CCDC148: variants seen among roughly 807,000 people sequenced by gnomAD.
CCDC148 encodes the protein coiled-coil domain containing 148, also known as coiled-coil domain-containing protein 148.
A neutral mutation model predicts 85.7 loss-of-function variants in CCDC148; 89 were observed. The ratio of observed to expected loss-of-function variants is 1.04; its 90% CI spans 0.87 to 1.24. The LOEUF is 1.24. Among genes scored for constraint, CCDC148 ranks in the 50% most tolerant of loss-of-function variants. The pLI is 0.00. For synonymous variants in CCDC148, 230 were observed against 213.9 expected, an observed-to-expected ratio of 1.08 and a Z score of -0.66; for missense variants, 692 against 671.7, an observed-to-expected ratio of 1.03 and a Z score of -0.33.
chr2:158,184,761 A>T (rs1574355707), intron 11 of CCDC148, among the ~76,000 whole-genome samples: 1 of 152,256 alleles, frequency 6.6e-6, no homozygotes, highest in East Asian at 1.9e-4. Flanking sequence ...GATGAGAACC[A>T]ATGCTACATA....
chr2:158,401,801 A>G (rs1365162505), intron 1 of CCDC148, among the ~76,000 whole-genome samples: 1 of 152,040 alleles, frequency 6.6e-6, no homozygotes, highest in East Asian at 1.9e-4. Flanking sequence ...GGAATAAGGG[A>G]GAGGGCAGGG....
intron 1 of CCDC148, among the ~76,000 whole-genome samples, chr2:158,446,086 A>G (rs1385792650): frequency 1.3e-5 from 2 of 152,192 alleles, no homozygotes; most frequent in South Asian, 2.1e-4. Flanking sequence ...TATGGCTTAC[A>G]TCTGTAATCC....
At chr2:158,293,800 T>C (rs534744493) in intron 9 of CCDC148, among the ~76,000 whole-genome samples, 7 of 152,214 alleles carry the variant, frequency 4.6e-5, no homozygotes, top group Non-Finnish European at 1.0e-4. Flanking sequence ...TCACCTTTAT[T>C]CATAGTAATA....
At chr2:158,329,130 G>A (rs928483722) in intron 7 of CCDC148, among the ~76,000 whole-genome samples, 2 of 152,164 alleles carry the variant, frequency 1.3e-5, no homozygotes, top group African/African-American at 4.8e-5. Flanking sequence ...TTTTCTTCTA[G>A]GGTTTTTATG....
At chr2:158,296,502 T>G (rs1026554150) in intron 9 of CCDC148, among the ~76,000 whole-genome samples, 1 of 152,202 alleles carries the variant, frequency 6.6e-6, no homozygotes, top group Admixed American at 6.5e-5. Context: ...AACTCCAAGT[T>G]GTAACTTCCC....
At chr2:158,278,058 T>A (rs1690045178) in intron 9 of CCDC148, among the ~76,000 whole-genome samples, 1 of 152,146 alleles carries the variant, frequency 6.6e-6, no homozygotes, top group Non-Finnish European at 1.5e-5. Context: ...TCTAACCAGA[T>A]CCACAAATAA....
intron 11 of CCDC148, among the ~76,000 whole-genome samples, chr2:158,207,797 C>T (rs1466549972): frequency 6.6e-6 from 1 of 152,112 alleles, no homozygotes; most frequent in Non-Finnish European, 1.5e-5. Context: ...TAGGAGTCAA[C>T]CTATTGAGTA....
intron 7 of CCDC148, among the ~76,000 whole-genome samples, chr2:158,330,722 C>T (rs1397268699): frequency 6.6e-6 from 1 of 152,104 alleles, no homozygotes; most frequent in Non-Finnish European, 1.5e-5. Flanking sequence ...TCAACTTCTT[C>T]CTGGTTTAGT....
At chr2:158,453,258 A>G (rs1559155384) in intron 1 of CCDC148, among the ~76,000 whole-genome samples, 1 of 152,214 alleles carries the variant, frequency 6.6e-6, no homozygotes, top group Non-Finnish European at 1.5e-5. Flanking sequence ...AAGGGTCACA[A>G]TACAGTAAGG....
At chr2:158,433,092 A>AAAAAAAAAAAATATATATATATC (rs1559141535) in intron 1 of CCDC148, among the ~76,000 whole-genome samples, 1 of 67,312 alleles carries the variant, frequency 1.5e-5, no homozygotes, top group African/African-American at 5.1e-5. Flanking sequence ...AAAAAAAAAA[A>AAAAAAAAAAAATATATATATATC]TATATATATA....
chr2:158,212,925 G>A (rs974142591), intron 11 of CCDC148, among the ~76,000 whole-genome samples: 7 of 152,220 alleles, frequency 4.6e-5, no homozygotes. Context: ...ATGGTCTCAA[G>A]AACCCAGTAG....
At chr2:158,429,360 AATAGATAG>A (rs10664791) in intron 1 of CCDC148, among the ~76,000 whole-genome samples, 2,026 of 149,712 alleles carry the variant, frequency 0.014, 23 homozygotes, top group African/African-American at 0.025. Context: ...AAAGAGCATG[AATAGATAG>A]ATAGATAGAT....
intron 1 of CCDC148, among the ~76,000 whole-genome samples, chr2:158,429,175 T>C (rs1481410271): frequency 1.3e-5 from 2 of 152,024 alleles, no homozygotes; most frequent in African/African-American, 4.8e-5. Flanking sequence ...TTAGGAGATA[T>C]ACCTAATGTA....
intron 1 of CCDC148, among the ~76,000 whole-genome samples, chr2:158,363,559 T>A (rs1348005501): frequency 2.6e-5 from 4 of 152,016 alleles, no homozygotes; most frequent in African/African-American, 4.8e-5. Flanking sequence ...ACCAAGGACA[T>A]AAACCATATG....
At chr2:158,390,171 A>G (rs7576883) in intron 1 of CCDC148, among the ~76,000 whole-genome samples, 8,786 of 152,252 alleles carry the variant, frequency 0.058, 486 homozygotes, top group African/African-American at 0.15. Context: ...GAAGACTTAA[A>G]ACAGCTATGG....
At chr2:158,394,760 T>C in intron 1 of CCDC148, among the ~76,000 whole-genome samples, 1 of 152,176 alleles carries the variant, frequency 6.6e-6, no homozygotes, top group South Asian at 2.1e-4. Context: ...CTCCTTGAGG[T>C]AATCACAGAT....
chr2:158,419,740 G>A (rs1321024801), intron 1 of CCDC148, among the ~76,000 whole-genome samples: 1 of 152,118 alleles, frequency 6.6e-6, no homozygotes, highest in Non-Finnish European at 1.5e-5. Flanking sequence ...GGGGATAGAT[G>A]TCAGAACTAC....
chr2:158,247,893 A>G (rs1351399885), intron 10 of CCDC148, among the ~76,000 whole-genome samples: 4 of 152,112 alleles, frequency 2.6e-5, no homozygotes, highest in Non-Finnish European at 5.9e-5. Flanking sequence ...TGTATTACTA[A>G]CACAGGTATA....
At chr2:158,261,466 T>C (rs1029552011) in intron 9 of CCDC148, among the ~76,000 whole-genome samples, 1 of 151,834 alleles carries the variant, frequency 6.6e-6, no homozygotes, top group African/African-American at 2.4e-5. Context: ...TGGGCAAAGA[T>C]TTCATTACAA....
Sources: allele counts gnomAD v4.1 joint callset (sites outside exome capture counted in the v4.1 genomes callset), GRCh38; gene constraint gnomAD v4.1.1; transcripts MANE v1.5; gene names NCBI Gene and HGNC (gene_info 2026-07-23, HGNC 2026-07-21).